The following LPIN1 variants were observed in gnomAD, a reference collection of about 807,000 sequenced individuals.
The protein encoded by LPIN1 is lipin 1.
A neutral mutation model predicts 107.5 loss-of-function variants in LPIN1; 71 were observed. The observed-to-expected ratio is 0.66, with a 90% CI of 0.55 to 0.80. The LOEUF (loss-of-function observed/expected upper bound fraction) is 0.80, where lower values mean the gene tolerates loss of function less well. Ranked by LOEUF, LPIN1 falls within the 30% of genes least tolerant of loss-of-function variation. LPIN1 has a pLI of 0.00. For missense variants in LPIN1, 1,043 were observed against 1,160.6 expected, an observed-to-expected ratio of 0.90 and a Z score of 1.47; for synonymous variants, 445 against 452.6, an observed-to-expected ratio of 0.98 and a Z score of 0.21.
intron 2 of LPIN1, among the ~76,000 whole-genome samples, chr2:11,718,878 G>T (rs568448245): frequency 2.6e-5 from 4 of 152,322 alleles, no homozygotes; most frequent in African/African-American, 9.6e-5. Context: ...GATATTCCGA[G>T]AGATGAAAGG....
chr2:11,679,656 G>A (rs61154855), intron 1 of LPIN1, among the ~76,000 whole-genome samples: 7,575 of 152,238 alleles, frequency 0.05, 668 homozygotes, highest in African/African-American at 0.17. Flanking sequence ...GGGATACTAA[G>A]CCCCAGGCTA....
Position 11,771,970 on chromosome 2 carries a change from G to C in LPIN1, c.596+291G>C, listed in dbSNP as rs942409789. 6.6e-6 allele frequency among the ~76,000 whole-genome samples: 1 copy of C among 152,154 alleles called. No homozygotes were observed. The highest frequency in any genetic ancestry group is 1.5e-5 in the Non-Finnish European group (1 of 68,034). Reference sequence around the variant, plus strand: ...TACTTATACAACTCGCCATCATGTAGAATCAGTGGGAGCCCTGAGCTTGTT... The same window carrying C: ...TACTTATACAACTCGCCATCATGTACAATCAGTGGGAGCCCTGAGCTTGTT... On this transcript the variant is annotated intron_variant, in intron 4 of 20. Coordinates refer to ENST00000674199, the MANE Select transcript of LPIN1 (RefSeq NM_001349206.2). This position sits in a 1 kb window ranked among gnomAD's most constrained non-coding sequence, Gnocchi z 4.8.
At chr2:11,801,666 G>A (rs912959046) in intron 14 of LPIN1, among the ~76,000 whole-genome samples, 8 of 152,104 alleles carry the variant, frequency 5.3e-5, no homozygotes, top group Non-Finnish European at 1.2e-4. Flanking sequence ...TTAGATGAAA[G>A]GAATAAGTTC....
Position 11,689,800 on chromosome 2 carries a change from G to A in LPIN1, c.81+12072G>A, listed in dbSNP as rs78075800. On this transcript the variant is annotated intron_variant, in intron 1 of 21. Coordinates refer to the LPIN1 transcript ENST00000449576. ...GGTGCCTGTATTCCCAGCTACTTGG[G>A]AGGCTGAGGAGGGAGAATCTCTTGA... is the stretch of plus-strand genomic sequence containing the variant. Among the ~76,000 whole-genome samples, 844 of 152,288 alleles carry A rather than the reference G, an allele frequency of 5.5e-3. 28 individuals are homozygous for A. In the East Asian group the frequency reaches 0.11, roughly 20 times the overall value.
chr2:11,682,130 A>T (rs1661748887), intron 1 of LPIN1: 1 of 152,352 alleles, frequency 6.6e-6, no homozygotes, highest in South Asian at 2.1e-4. Context: ...CTCCGTGGGG[A>T]GCGGGGCTTT....
chr2:11,786,257 C>G lies in LPIN1; in HGVS notation c.1550-817C>G, dbSNP rs370507320. The stretch of plus-strand genomic sequence containing the variant: ...AAGCCAGTCAGGCTGGCATCAAGAC[C>G]CAGGGACTCTTTTCCTGGACGGAGG... On this transcript the variant is annotated intron_variant, in intron 10 of 20. Coordinates refer to ENST00000674199, the MANE Select transcript of LPIN1 (RefSeq NM_001349206.2). This position sits in a 1 kb window ranked among gnomAD's most constrained non-coding sequence, Gnocchi z 4.1. Among the ~76,000 whole-genome samples, 69 of 152,260 alleles carry G rather than the reference C, an allele frequency of 4.5e-4. No homozygotes were observed. Among genetic ancestry groups the G allele is most frequent in the Middle Eastern group, 6.8e-3 (2 of 294 alleles).
intron 1 of LPIN1, among the ~76,000 whole-genome samples, chr2:11,694,114 G>A (rs59002621): frequency 0.022 from 3,364 of 151,830 alleles, 132 homozygotes; most frequent in African/African-American, 0.077. Flanking sequence ...GATTACATGC[G>A]TGAGCCACCA....
At position 11,782,511 on chromosome 2, in the gene LPIN1, C is replaced by A; in HGVS notation, c.1264+4C>A. 6.2e-7 allele frequency: 1 copy of A among 1,613,930 alleles called. No individual in the cohort carries two copies. Among genetic ancestry groups the A allele is most frequent in the Non-Finnish European group, 8.5e-7 (1 of 1,180,028 alleles). On this transcript the variant is annotated splice_donor_region_variant and intron_variant, in intron 8 of 20. Transcript: ENST00000674199. ...GATTCTCCTTCCAGGAAAAGAGGTA[C>A]CAAGGCTGGGGCTTCCCGGCTCTTT... is the stretch of plus-strand genomic sequence containing the variant.
chr2:11,700,533 A>G (rs1572345444), intron 1 of LPIN1, among the ~76,000 whole-genome samples: 1 of 139,962 alleles, frequency 7.1e-6, no homozygotes, highest in African/African-American at 2.7e-5. Flanking sequence ...CCCACTCTCC[A>G]CCCCTATGGG....
rs62114970 is a variant in LPIN1 at position 11,825,159 on chromosome 2, C to T, written c.*368C>T. 4.2e-4 allele frequency: 139 copies of T among 327,968 alleles called. No individual in the cohort carries two copies. The highest frequency in any genetic ancestry group is 6.5e-4 in the Non-Finnish European group (111 of 169,600). The allele number at this position is 327,968 out of a possible 1,614,324, so 20.3% of individuals were successfully genotyped here. ...AAGGCGGCTGTCTGAGGGCTGTCCC[C>T]GCCTAGGACAGGGTCAATCGAGGAA... On this transcript the variant is annotated 3_prime_UTR_variant, in exon 21 of 21. Transcript: ENST00000674199. The surrounding 1 kb of genome is among the most constrained non-coding windows in gnomAD (Gnocchi z 4.1).
chr2:11,764,089 T>TAC (rs1670361683), intron 1 of LPIN1: 2 of 116,314 alleles, frequency 1.7e-5, no homozygotes, highest in African/African-American at 3.8e-5. Flanking sequence ...TATATATATA[T>TAC]ATATATATAT....
Position 11,805,088 on chromosome 2 carries a change from C to T in LPIN1, c.2181C>T (p.His727=), listed in dbSNP as rs1678433159. The T allele has an allele frequency of 1.9e-6, 3 of 1,612,872 alleles. No homozygotes were observed. Among genetic ancestry groups the T allele is most frequent in the East Asian group, 2.2e-5 (1 of 44,864 alleles). ...CATTTAGATCAGATACTCTTGGCCA[C>T]ATTTTGCCCACCCTTGGGAAGGATT... The part of the protein sequence containing the change: ...GTITRSDTLG[H]ILPTLGKDWT... The change falls in exon 17 of 21, where the codon CAC becomes CAT. Residue 727 remains histidine, a synonymous_variant. Transcript: ENST00000674199.
chr2:11,697,297 C>T lies in LPIN1; in HGVS notation c.82-16459C>T, dbSNP rs1662636063. On this transcript the variant is annotated intron_variant, in intron 1 of 21. Transcript: ENST00000449576. The surrounding 1 kb of genome is among the most constrained non-coding windows in gnomAD (Gnocchi z 4.6). Reference sequence around the variant, plus strand: ...ACTACCCAGATGCTTCCTGGCCTCGCCCAGCTCTTGTGCTCCTGGCAGCCC... The same window carrying T: ...ACTACCCAGATGCTTCCTGGCCTCGTCCAGCTCTTGTGCTCCTGGCAGCCC... Among the ~76,000 whole-genome samples the T allele has an allele frequency of 6.6e-6, 1 of 152,230 alleles. No homozygotes were observed. The highest frequency in any genetic ancestry group is 2.1e-4 in the South Asian group (1 of 4,830).
intron 2 of LPIN1, chr2:11,741,457 A>G (rs767832669): frequency 6.9e-7 from 1 of 1,456,152 alleles, no homozygotes; most frequent in South Asian, 1.2e-5. Flanking sequence ...TAGTTCTATT[A>G]CTGTTAAGGT....
intron 1 of LPIN1, among the ~76,000 whole-genome samples, chr2:11,747,662 T>C (rs779297204): frequency 6.6e-6 from 1 of 152,202 alleles, no homozygotes; most frequent in Non-Finnish European, 1.5e-5. Flanking sequence ...TTCCGTAATT[T>C]GGGTCTTATT....
chr2:11,779,456 G>T (rs1673204644), intron 6 of LPIN1, 63 bp from the exon 7 acceptor site: 1 of 1,579,646 alleles, frequency 6.3e-7, no homozygotes, highest in African/African-American at 1.3e-5. Context: ...CATGGAGCTG[G>T]GCCCAAAACA....
At chr2:11,776,552 T>C (rs1193534324) in intron 6 of LPIN1, among the ~76,000 whole-genome samples, 3 of 152,190 alleles carry the variant, frequency 2.0e-5, no homozygotes, top group Non-Finnish European at 2.9e-5. Flanking sequence ...CTTGGGAATA[T>C]GATCTTCTGT....
In LPIN1 at chr2:11,776,102, A is replaced by G; in HGVS notation, c.739A>G (p.Lys247Glu). Residue 247 changes from lysine (K) to glutamate (E), a missense_variant, in exon 6 of 21, where the codon AAA becomes GAA. By Grantham distance (56) the Lys-to-Glu change is moderately conservative. Coordinates refer to ENST00000674199, the MANE Select transcript of LPIN1 (RefSeq NM_001349206.2). ...SPTPSSLVDCKRTAPHLAVAA... is the reference protein window; with the variant it reads ...SPTPSSLVDCERTAPHLAVAA... ...GGTATCCAGTAGCCTGGTAGATTGC[A>G]AAAGGACTGCCCCTCATCTTGCAGT... The G allele has an allele frequency of 6.5e-7, 1 of 1,547,246 alleles. No homozygotes were observed. The highest frequency in any genetic ancestry group is 1.2e-5 in the South Asian group (1 of 83,756).
At chr2:11,714,063 G>A (rs1352764552) in intron 2 of LPIN1, among the ~76,000 whole-genome samples, 1 of 152,234 alleles carries the variant, frequency 6.6e-6, no homozygotes, top group East Asian at 1.9e-4. Context: ...CCTCCAGGCA[G>A]AGAAAGGAGT....
Sources: allele counts gnomAD v4.1 joint callset (sites outside exome capture counted in the v4.1 genomes callset), GRCh38; gene constraint gnomAD v4.1.1; non-coding constraint Gnocchi (gnomAD v3.1); transcripts MANE v1.5; gene names NCBI Gene and HGNC (gene_info 2026-07-23, HGNC 2026-07-21).